The following KLHL4 variants were observed in gnomAD, a reference collection of about 807,000 sequenced individuals.
KLHL4 encodes kelch-like protein 4.
A neutral mutation model predicts 45.8 loss-of-function variants in KLHL4; 17 were observed. That is an observed-to-expected ratio of 0.37 (90% CI 0.25 to 0.56). KLHL4 has a LOEUF of 0.56. Ranked by LOEUF, KLHL4 falls within the 20% of genes least tolerant of loss-of-function variation. The probability of loss-of-function intolerance (pLI) is 0.79; values close to 1 mark genes in which losing one functional copy is unlikely to be tolerated. For missense variants in KLHL4, 544 were observed against 544.9 expected, an observed-to-expected ratio of 1.00 and a Z score of 0.02; for synonymous variants, 224 against 189.9, an observed-to-expected ratio of 1.18 and a Z score of -1.47.
intron 4 of KLHL4, among the ~76,000 whole-genome samples, chrX:87,620,724 G>A (rs1300906431): frequency 8.9e-6 from 1 of 112,243 alleles, no homozygotes; most frequent in Non-Finnish European, 1.9e-5. Context: ...GATTTCAGAG[G>A]CTTATGCTTG....
intron 1 of KLHL4, among the ~76,000 whole-genome samples, chrX:87,530,012 C>A (rs1490373449): frequency 1.8e-5 from 2 of 111,405 alleles, no homozygotes; most frequent in Admixed American, 1.9e-4. Context: ...AATTCATCTC[C>A]TGGATATTAG....
At chrX:87,583,030 A>G (rs1440708606) in intron 1 of KLHL4, among the ~76,000 whole-genome samples, 1 of 111,343 alleles carries the variant, frequency 9.0e-6, no homozygotes, top group Non-Finnish European at 1.9e-5. Flanking sequence ...TGCATTTTAC[A>G]GAGTGCTGAT....
chrX:87,605,909 C>G (rs1347473126), intron 1 of KLHL4, among the ~76,000 whole-genome samples: 3 of 110,943 alleles, frequency 2.7e-5, no homozygotes, highest in African/African-American at 9.8e-5. Context: ...CAGTCTATGT[C>G]TAATTTGTTG....
chrX:87,579,655 T>C (rs1350308650), intron 1 of KLHL4, among the ~76,000 whole-genome samples: 1 of 111,767 alleles, frequency 8.9e-6, no homozygotes, highest in Non-Finnish European at 1.9e-5. Flanking sequence ...AGCATAAACC[T>C]TTCAGGACAT....
At chrX:87,658,337 G>T (rs916484531) in intron 9 of KLHL4, among the ~76,000 whole-genome samples, 1 of 111,729 alleles carries the variant, frequency 9.0e-6, no homozygotes, top group East Asian at 2.9e-4. Context: ...GACTTGCCCA[G>T]CTAGTGACTG....
chrX:87,550,274 T>C (rs1419275965), intron 1 of KLHL4, among the ~76,000 whole-genome samples: 1 of 110,939 alleles, frequency 9.0e-6, no homozygotes, highest in Non-Finnish European at 1.9e-5. Context: ...GATAAATTCC[T>C]GGAAAAATAC....
chrX:87,658,334 C>T (rs1019562781), intron 9 of KLHL4, among the ~76,000 whole-genome samples: 1 of 111,589 alleles, frequency 9.0e-6, no homozygotes, highest in Non-Finnish European at 1.9e-5. Flanking sequence ...GGAGACTTGC[C>T]CAGCTAGTGA....
At chrX:87,553,339 A>G (rs1223739603) in intron 1 of KLHL4, among the ~76,000 whole-genome samples, 2 of 110,698 alleles carry the variant, frequency 1.8e-5, no homozygotes, top group African/African-American at 3.2e-5. Flanking sequence ...ATCAATAATT[A>G]GTTAATGAAA....
intron 1 of KLHL4, among the ~76,000 whole-genome samples, chrX:87,536,485 T>C (rs1337787530): frequency 4.5e-5 from 5 of 111,024 alleles, no homozygotes; most frequent in African/African-American, 1.6e-4. Context: ...TTGTCATGTA[T>C]TTTTTGCTTT....
intron 9 of KLHL4, among the ~76,000 whole-genome samples, chrX:87,637,193 C>T (rs1166985642): frequency 9.0e-6 from 1 of 111,570 alleles, no homozygotes; most frequent in African/African-American, 3.3e-5. Context: ...ACTCCCCACC[C>T]CAGTAGCTCT....
At chrX:87,600,399 C>T (rs1282693538) in intron 1 of KLHL4, among the ~76,000 whole-genome samples, 2 of 107,682 alleles carry the variant, frequency 1.9e-5, no homozygotes, top group African/African-American at 3.4e-5. Context: ...AGGAGAATGG[C>T]GTGAACCCGG....
rs565711305 is a variant in KLHL4 at position 87,536,765 on chromosome X, G to A, written c.422+18450G>A. Among the ~76,000 whole-genome samples the A allele has an allele frequency of 5.4e-5, 6 of 111,332 alleles. No homozygotes were observed. In the South Asian group the frequency reaches 2.3e-3, roughly 42 times the overall value. ...TGAAAAAAATATGAAGAAGGTGCAA[G>A]TGGGGGGATATTCTGTGCAAAATTA... On this transcript the variant is annotated intron_variant, in intron 1 of 10. Transcript: ENST00000373119.
chrX:87,610,618 A>T (rs1253623928), intron 1 of KLHL4, among the ~76,000 whole-genome samples: 4 of 111,984 alleles, frequency 3.6e-5, no homozygotes, highest in Non-Finnish European at 7.5e-5. Flanking sequence ...TTACATATTA[A>T]TATATATGAT....
intron 1 of KLHL4, among the ~76,000 whole-genome samples, chrX:87,570,933 T>A (rs1006167775): frequency 9.0e-6 from 1 of 111,084 alleles, no homozygotes; most frequent in Non-Finnish European, 1.9e-5. Context: ...GTCATTTCAA[T>A]TTTGTGCTTA....
intron 4 of KLHL4, among the ~76,000 whole-genome samples, chrX:87,619,902 A>G (rs186796393): frequency 1.8e-5 from 2 of 111,888 alleles, no homozygotes; most frequent in Non-Finnish European, 3.8e-5. Context: ...TAATAATGCA[A>G]ATAATTTTAA....
At chrX:87,662,780 A>C (rs760814446) in intron 9 of KLHL4, among the ~76,000 whole-genome samples, 86 of 109,644 alleles carry the variant, frequency 7.8e-4, no homozygotes, top group African/African-American at 2.5e-3. Flanking sequence ...ATACAAAAAA[A>C]TTAGCCGGTC....
chrX:87,569,055 A>G (rs1252130214), intron 1 of KLHL4, among the ~76,000 whole-genome samples: 1 of 111,419 alleles, frequency 9.0e-6, no homozygotes, highest in African/African-American at 3.3e-5. Flanking sequence ...AGGGGGAAAA[A>G]CATGTGCAAA....
intron 1 of KLHL4, among the ~76,000 whole-genome samples, chrX:87,572,048 CAGTT>C (rs67052143): frequency 0.25 from 27,261 of 109,744 alleles, 2,909 homozygotes; most frequent in East Asian, 0.51. Context: ...TAAAAAATAA[CAGTT>C]AGCCAAGCAA....
intron 1 of KLHL4, among the ~76,000 whole-genome samples, chrX:87,570,633 A>G (rs961064855): frequency 9.0e-6 from 1 of 110,905 alleles, no homozygotes; most frequent in Non-Finnish European, 1.9e-5. Flanking sequence ...GAGTTATCAC[A>G]TGAATTCAAG....
Sources: gnomAD v4.1 joint callset for allele counts (sites outside exome capture counted in the v4.1 genomes callset) on GRCh38, gnomAD v4.1.1 for gene constraint, MANE v1.5 for transcripts, NCBI Gene and HGNC (gene_info 2026-07-23, HGNC 2026-07-21) for gene names.